GIT1: variants seen among roughly 807,000 people sequenced by gnomAD.
GIT1 encodes GIT ArfGAP 1, also known as ARF GTPase-activating protein GIT1.
Under a neutral mutation model 91.7 loss-of-function variants are expected in GIT1, and 14 were observed. That is an observed-to-expected ratio of 0.15 (90% CI 0.10 to 0.24). The LOEUF is 0.24. Ranked by LOEUF, GIT1 falls within the 10% of genes least tolerant of loss-of-function variation. The pLI, the probability that GIT1 is intolerant of heterozygous loss-of-function variation, is 1.00. For missense variants in GIT1, 717 were observed against 1,024.9 expected (o/e 0.70, Z 4.10); for synonymous variants, 414 against 418.2 (o/e 0.99, Z 0.12).
In GIT1 at chr17:29,576,246, T is replaced by C. The variant is rs775458461; in HGVS notation, c.1585A>G (p.Thr529Ala). Reference sequence around the variant, plus strand: ...GTGCTGTGGAAAGGCTGCAGCCGCGTAGTGAGCTCGTCCCCAGGGGGGCCC... The same window carrying C: ...GTGCTGTGGAAAGGCTGCAGCCGCGCAGTGAGCTCGTCCCCAGGGGGGCCC... ...FGGPPGDELT[T>A]RLQPFHSTEL... The change falls in exon 14 of 20, where the codon ACG becomes GCG. Residue 529 changes from threonine (T) to alanine (A), a missense_variant. By Grantham distance (58) the Thr-to-Ala change is moderately conservative. Around this residue, in one of 3 missense-constraint regions of GIT1, gnomAD observed 312 missense variants for 349.5 expected, o/e 0.89. Transcript: ENST00000225394. 4 of 1,609,350 alleles carry C rather than the reference T, an allele frequency of 2.5e-6. No individual in the cohort carries two copies. The highest frequency in any genetic ancestry group is 1.7e-5 in the Admixed American group (1 of 59,968).
intron 1 of GIT1, among the ~76,000 whole-genome samples, chr17:29,587,631 C>T (rs1735727603): frequency 6.6e-6 from 1 of 152,190 alleles, no homozygotes; most frequent in South Asian, 2.1e-4. Flanking sequence ...GCCCTTCACC[C>T]CTCCACCCCA....
intron 2 of GIT1, among the ~76,000 whole-genome samples, 193 bp downstream of exon 2, chr17:29,583,290 G>A (rs894487075): frequency 1.3e-5 from 2 of 152,194 alleles, no homozygotes; most frequent in Non-Finnish European, 1.5e-5. Context: ...CAGAGCAGGG[G>A]TGTGAGCTAC....
intron 1 of GIT1, among the ~76,000 whole-genome samples, chr17:29,587,980 C>G (rs2033651207): frequency 6.6e-6 from 1 of 152,134 alleles, no homozygotes; most frequent in Non-Finnish European, 1.5e-5. Context: ...GGACCCTCAA[C>G]CCCAGGGCCC....
chr17:29,581,420 G>GA lies in GIT1; in HGVS notation c.719-41_719-40insT. On this transcript the variant is annotated intron_variant, in intron 6 of 19. Transcript: ENST00000225394. The surrounding 1 kb of genome is among the most constrained non-coding windows in gnomAD (Gnocchi z 4.8). ...AAATGCCAAGTCACTCACTAGTGCT[G>GA]GGTGGCCTCAGCAGCTGGGAGCCCA... 1 of 1,543,102 alleles carries GA rather than the reference G, an allele frequency of 6.5e-7. No individual in the cohort carries two copies. Among genetic ancestry groups the GA allele is most frequent in the Non-Finnish European group, 9.0e-7 (1 of 1,115,974 alleles).
chr17:29,574,554 C>T lies in GIT1; in HGVS notation c.*148G>A. On this transcript the variant is annotated 3_prime_UTR_variant, in exon 20 of 20. Coordinates refer to ENST00000225394, the MANE Select transcript of GIT1 (RefSeq NM_014030.4). ...TCCTTAGGGGCTCGACAGGGGTGGG[C>T]ACCAGGGCACCTGGCTGCCAGGGAG... 1 of 742,098 alleles carries T rather than the reference C, an allele frequency of 1.3e-6. No homozygotes were observed. The highest frequency in any genetic ancestry group is 2.4e-6 in the Non-Finnish European group (1 of 421,896). The allele number at this position is 742,098 out of a possible 1,614,324, so 46.0% of individuals were successfully genotyped here. A position where few individuals can be genotyped will look rare whatever the true frequency, so the allele number is the denominator to read the frequency against.
At chr17:29,579,094 C>T (rs999834838) in intron 7 of GIT1, 11 of 945,662 alleles carry the variant, frequency 1.2e-5, no homozygotes, top group Admixed American at 8.9e-5. Context: ...CCCATCTCCA[C>T]GCACACCCGG....
chr17:29,576,139 T>C lies in GIT1; in HGVS notation c.1612-8A>G. The C allele has an allele frequency of 6.2e-7, 1 of 1,613,670 alleles. No homozygotes were observed. Among genetic ancestry groups the C allele is most frequent in the Non-Finnish European group, 8.5e-7 (1 of 1,179,892 alleles). The stretch of plus-strand genomic sequence containing the variant: ...GGCGTCGTCCTCTAGCTCCTGGGGA[T>C]GTTAGCACAGCGAGCGTCATGGTGG... On this transcript the variant is annotated splice_region_variant and splice_polypyrimidine_tract_variant and intron_variant, in intron 14 of 19. Transcript: ENST00000225394.
chr17:29,582,589 G>T, intron 4 of GIT1, 109 bp downstream of exon 4: 1 of 745,090 alleles, frequency 1.3e-6, no homozygotes. Context: ...ACCCTGACCT[G>T]GCTGCCTTTG....
Position 29,574,729 on chromosome 17 carries a change from G to T in GIT1, c.2259C>A (p.Thr753=). The change falls in exon 20 of 20, where the codon ACC becomes ACA. Residue 753 remains threonine (T), a synonymous_variant. Coordinates refer to ENST00000225394, the MANE Select transcript of GIT1 (RefSeq NM_014030.4). ...ACTGCTTCTTCTCTCGGGTGGTGAT[G>T]GTGACCAGCTGCTTGGCAGCCTTGG... The part of the protein sequence containing the change: ...DIAKAAKQLV[T]ITTREKKQ The T allele has an allele frequency of 6.2e-7, 1 of 1,613,460 alleles. No homozygotes were observed. Among genetic ancestry groups the T allele is most frequent in the Non-Finnish European group, 8.5e-7 (1 of 1,179,730 alleles).
chr17:29,585,266 G>GC (rs1270912134), intron 1 of GIT1, among the ~76,000 whole-genome samples: 5 of 152,126 alleles, frequency 3.3e-5, no homozygotes, highest in Admixed American at 2.0e-4. Flanking sequence ...CTGCCAGCCA[G>GC]CCACCTCCAG....
chr17:29,578,473 C>A, intron 8 of GIT1, 102 bp from the exon 9 acceptor site: 1 of 1,063,970 alleles, frequency 9.4e-7, no homozygotes, highest in South Asian at 1.3e-5. Flanking sequence ...GGTGGCCTTC[C>A]TTGTGCTGCC....
At chr17:29,577,328 A>C in intron 10 of GIT1, 81 bp from the exon 11 acceptor site, 2 of 1,060,552 alleles carry the variant, frequency 1.9e-6, no homozygotes, top group Non-Finnish European at 2.9e-6. Context: ...GTAGCAAGGC[A>C]TGGCTCTGCC....
rs796520950 is a variant in GIT1, at chr17:29,577,369, G to A, written c.982-122C>T. On this transcript the variant is annotated intron_variant, in intron 10 of 19. Transcript: ENST00000225394. ...ATTTAACCCCAGCTAAAGCGTCCCA[G>A]CCTAGCTTCACCTGGCTAGTCAGCA... 6.3e-6 allele frequency: 5 copies of A among 799,834 alleles called. No homozygotes were observed. The African/African-American group carries it at 8.5e-5, about 14-fold the overall frequency. 49.5% of individuals were successfully genotyped at this position (799,834 alleles called of 1,614,324 possible).
In GIT1 at chr17:29,578,362, G is replaced by T. The variant is rs747296151; in HGVS notation, c.820C>A (p.Arg274=). ...TCCATGGCGAGTTCCTCAAAAAGCCGGTTGCTGAGCTGGAGGAAGAGAGGG... is the reference window on the plus strand; with the variant it reads ...TCCATGGCGAGTTCCTCAAAAAGCCTGTTGCTGAGCTGGAGGAAGAGAGGG... ...AKKKLQALSN[R]LFEELAMDVY... is the part of the protein sequence containing the mutation. The change falls in exon 9 of 20, where the codon CGG becomes AGG. Residue 274 remains arginine (R), a synonymous_variant. Coordinates refer to ENST00000225394, the MANE Select transcript of GIT1 (RefSeq NM_014030.4). 6.2e-7 allele frequency: 1 copy of T among 1,614,116 alleles called. No individual in the cohort carries two copies. Among genetic ancestry groups the T allele is most frequent in the Non-Finnish European group, 8.5e-7 (1 of 1,179,968 alleles).
At chr17:29,583,924 T>C in intron 1 of GIT1, 1 of 382,310 alleles carries the variant, frequency 2.6e-6, no homozygotes, top group Non-Finnish European at 4.7e-6. Flanking sequence ...TCTCTCAGCC[T>C]TTTCCCAGGA....
intron 1 of GIT1, among the ~76,000 whole-genome samples, chr17:29,585,887 A>T (rs1347113022): frequency 6.6e-6 from 1 of 152,056 alleles, no homozygotes; most frequent in East Asian, 1.9e-4. Context: ...ATGTGTGGAG[A>T]GGTAGCAGGC....
At chr17:29,578,859 A>G in intron 7 of GIT1, 80 bp from the exon 8 acceptor site, 1 of 1,556,050 alleles carries the variant, frequency 6.4e-7, no homozygotes. Context: ...AACCTCCCCA[A>G]CATGCAGGGA....
At position 29,581,830 on chromosome 17, in the gene GIT1, C is replaced by T. The variant is rs1262549968; in HGVS notation, c.630G>A (p.Ala210=). ...GCCTTTCCGCCAGCTCATGGTGCCC[C>T]GCCTGCCTGTGAGGAGGGGGTATGG... The part of the protein sequence containing the change: ...GRTPIDYARQ[A]GHHELAERLV... Residue 210 remains alanine (A), a synonymous_variant, in exon 6 of 20, where the codon GCG becomes GCA. Transcript: ENST00000225394. The surrounding 1 kb of genome is among the most constrained non-coding windows in gnomAD (Gnocchi z 4.8). 33 of 1,612,484 alleles carry T rather than the reference C, an allele frequency of 2.0e-5. 1 individual carries two copies. In the Middle Eastern group the frequency reaches 8.2e-4, roughly 40 times the overall value.
Position 29,589,600 on chromosome 17 carries a change from C to G in GIT1, c.-222G>C, listed in dbSNP as rs2033740499. 1.3e-5 allele frequency: 2 copies of G among 148,648 alleles called. No individual in the cohort carries two copies. The highest frequency in any genetic ancestry group is 4.9e-5 in the African/African-American group (2 of 40,914). 9.2% of individuals were successfully genotyped at this position (148,648 alleles called of 1,614,324 possible). ...CCCTCCGCCCCGCGCCGCCCCGCCGCCGCTCGCGGCTCCTCTCTCCGCCCC... is the reference window on the plus strand; with the variant it reads ...CCCTCCGCCCCGCGCCGCCCCGCCGGCGCTCGCGGCTCCTCTCTCCGCCCC... On this transcript the variant is annotated 5_prime_UTR_variant, in exon 1 of 20. Transcript: ENST00000225394. The surrounding 1 kb of genome is among the most constrained non-coding windows in gnomAD (Gnocchi z 5.2).
Sources: gnomAD v4.1 joint callset for allele counts (sites outside exome capture counted in the v4.1 genomes callset) on GRCh38, gnomAD v4.1.1 for gene constraint, gnomAD v4.1.1 regional missense constraint, Gnocchi (gnomAD v3.1) non-coding constraint, MANE v1.5 for transcripts, NCBI Gene and HGNC (gene_info 2026-07-23, HGNC 2026-07-21) for gene names.